Variants in PRR16 observed in about 807,000 individuals in gnomAD.
The protein encoded by PRR16 is proline rich 16.
PRR16 carries 6 observed loss-of-function variants against 18.2 expected under a neutral mutation model. The observed-to-expected ratio is 0.33, with a 90% CI of 0.18 to 0.65. The LOEUF is 0.65. Ranked by LOEUF, PRR16 falls within the 30% of genes least tolerant of loss-of-function variation. PRR16 has a pLI of 0.74. For missense variants in PRR16, 412 were observed against 376.6 expected, an observed-to-expected ratio of 1.09 and a Z score of -0.78; for synonymous variants, 151 against 147.8, an observed-to-expected ratio of 1.02 and a Z score of -0.16.
At chr5:120,594,394 A>T (rs1753736486) in intron 1 of PRR16, among the ~76,000 whole-genome samples, 1 of 152,128 alleles carries the variant, frequency 6.6e-6, no homozygotes, top group Non-Finnish European at 1.5e-5. Flanking sequence ...ATACCTAGGA[A>T]TACAGCTAAT....
the PRR16 span, among the ~76,000 whole-genome samples, chr5:120,707,234 C>T: frequency 0.31 from 46,934 of 152,042 alleles, 8,866 homozygotes; most frequent in East Asian, 0.77. Flanking sequence ...GAGCCTGAGG[C>T]TTGGAGGTGT....
intron 1 of PRR16, among the ~76,000 whole-genome samples, chr5:120,567,532 T>C (rs530261053): frequency 6.6e-6 from 1 of 152,268 alleles, no homozygotes; most frequent in Non-Finnish European, 1.5e-5. Context: ...TGGCTCTGTG[T>C]CCCCACTCAA....
intron 1 of PRR16, among the ~76,000 whole-genome samples, chr5:120,666,043 T>G (rs1446595046): frequency 2.0e-5 from 3 of 152,142 alleles, no homozygotes; most frequent in Non-Finnish European, 4.4e-5. Context: ...ATAAATTACC[T>G]TGGGCAGTAT....
chr5:120,638,691 C>A (rs1755325850), intron 1 of PRR16, among the ~76,000 whole-genome samples: 1 of 152,090 alleles, frequency 6.6e-6, no homozygotes, highest in South Asian at 2.1e-4. Context: ...CAGATTCACG[C>A]ACAGGCAAAC....
intron 1 of PRR16, among the ~76,000 whole-genome samples, chr5:120,648,207 G>A (rs767442566): frequency 2.0e-5 from 3 of 152,082 alleles, no homozygotes; most frequent in Non-Finnish European, 2.9e-5. Context: ...TCAAAGTGGT[G>A]ATACTTTGCT....
At chr5:120,592,999 G>A (rs934734264) in intron 1 of PRR16, among the ~76,000 whole-genome samples, 2 of 151,782 alleles carry the variant, frequency 1.3e-5, no homozygotes, top group Non-Finnish European at 2.9e-5. Flanking sequence ...CCAGAATCTC[G>A]GTCACAGCTA....
At chr5:120,606,759 C>T (rs1402842555) in intron 1 of PRR16, among the ~76,000 whole-genome samples, 4 of 151,964 alleles carry the variant, frequency 2.6e-5, no homozygotes, top group Middle Eastern at 3.2e-3. Flanking sequence ...AAAAAGAAAT[C>T]GGTCAAGCAT....
chr5:120,516,318 G>A (rs544795766), intron 1 of PRR16, among the ~76,000 whole-genome samples: 51 of 151,666 alleles, frequency 3.4e-4, no homozygotes, highest in African/African-American at 9.2e-4. Flanking sequence ...CCAGCTACTC[G>A]GGAGGCTGCG....
intron 1 of PRR16, among the ~76,000 whole-genome samples, chr5:120,529,860 A>G (rs1751487556): frequency 6.6e-6 from 1 of 152,130 alleles, no homozygotes; most frequent in African/African-American, 2.4e-5. Context: ...GCATGTAAGT[A>G]AAGTCACTCT....
At chr5:120,565,133 G>A (rs962999014) in intron 1 of PRR16, among the ~76,000 whole-genome samples, 23 of 151,902 alleles carry the variant, frequency 1.5e-4, no homozygotes, top group African/African-American at 2.9e-4. Context: ...CTATTCCACC[G>A]TCTTGCTCTG....
intron 1 of PRR16, among the ~76,000 whole-genome samples, chr5:120,629,461 A>G (rs529380375): frequency 2.0e-5 from 3 of 152,230 alleles, no homozygotes; most frequent in South Asian, 4.1e-4. Flanking sequence ...TTCAAATGCT[A>G]TAAAGTATTT....
the PRR16 span, among the ~76,000 whole-genome samples, chr5:120,720,609 C>T: frequency 1.3e-5 from 2 of 151,994 alleles, no homozygotes; most frequent in African/African-American, 2.4e-5. Flanking sequence ...AATCCACTCT[C>T]ATTTCTCTTT....
chr5:120,529,322 CA>C (rs1751469824), intron 1 of PRR16, among the ~76,000 whole-genome samples: 2 of 152,108 alleles, frequency 1.3e-5, no homozygotes, highest in Admixed American at 6.6e-5. Context: ...TGCGGAGGCA[CA>C]GGGGGATAGT....
intron 1 of PRR16, among the ~76,000 whole-genome samples, chr5:120,551,918 C>G (rs1458332856): frequency 6.6e-6 from 1 of 151,952 alleles, no homozygotes; most frequent in East Asian, 1.9e-4. Flanking sequence ...ATATTTTCAC[C>G]AAGAATTCAG....
chr5:120,763,771 T>C, the PRR16 span, among the ~76,000 whole-genome samples: 8,102 of 152,178 alleles, frequency 0.053, 261 homozygotes, highest in Middle Eastern at 0.16. Flanking sequence ...TGTTTCACTT[T>C]CTTGGTTAAA....
intron 1 of PRR16, among the ~76,000 whole-genome samples, chr5:120,656,502 T>C (rs1755982610): frequency 6.6e-6 from 1 of 150,870 alleles, no homozygotes; most frequent in Non-Finnish European, 1.5e-5. Flanking sequence ...CTAAAGTACT[T>C]ACCAGACACT....
the PRR16 span, among the ~76,000 whole-genome samples, chr5:120,769,620 G>A: frequency 1.0e-3 from 154 of 151,930 alleles, no homozygotes; most frequent in African/African-American, 3.5e-3. Context: ...GTCAGTAGAT[G>A]TTGAGCTGTT....
At chr5:120,779,880 G>C in the PRR16 span, among the ~76,000 whole-genome samples, 1 of 152,078 alleles carries the variant, frequency 6.6e-6, no homozygotes. Flanking sequence ...AAGTAGCCTT[G>C]GGTCCTTTTC....
At chr5:120,711,179 T>G in the PRR16 span, among the ~76,000 whole-genome samples, 2 of 152,206 alleles carry the variant, frequency 1.3e-5, no homozygotes, top group African/African-American at 4.8e-5. Context: ...CAACTTTTAT[T>G]TCATCTGCAA....
Sources: gnomAD v4.1 joint callset for allele counts (sites outside exome capture counted in the v4.1 genomes callset) on GRCh38, gnomAD v4.1.1 for gene constraint, MANE v1.5 for transcripts, NCBI Gene and HGNC (gene_info 2026-07-23, HGNC 2026-07-21) for gene names.